Variants in CRB1 observed in about 807,000 individuals in gnomAD.
The protein encoded by CRB1 is protein crumbs homolog 1.
Under a neutral mutation model 120.0 loss-of-function variants are expected in CRB1, and 83 were observed. The ratio of observed to expected loss-of-function variants is 0.69; its 90% CI spans 0.58 to 0.83. The LOEUF (loss-of-function observed/expected upper bound fraction) is 0.83. Ranked by LOEUF, CRB1 falls within the 40% of genes least tolerant of loss-of-function variation. The pLI, the probability that CRB1 is intolerant of heterozygous loss-of-function variation, is 0.00. For synonymous variants in CRB1, 625 were observed against 612.5 expected, an observed-to-expected ratio of 1.02 and a Z score of -0.30; for missense variants, 1,699 against 1,687.6, an observed-to-expected ratio of 1.01 and a Z score of -0.12.
intron 11 of CRB1, among the ~76,000 whole-genome samples, chr1:197,476,729 G>C (rs368188409): frequency 3.3e-5 from 5 of 152,224 alleles, no homozygotes; most frequent in African/African-American, 9.6e-5. Flanking sequence ...AGATTGGTTT[G>C]GTAACGTGGG....
chr1:197,280,647 C>G (rs1156459652), intron 1 of CRB1, among the ~76,000 whole-genome samples: 1 of 151,762 alleles, frequency 6.6e-6, no homozygotes, highest in Non-Finnish European at 1.5e-5. Flanking sequence ...CTGGAATTGC[C>G]TAGGTTACAG....
intron 11 of CRB1, among the ~76,000 whole-genome samples, chr1:197,458,804 T>G (rs1238721293): frequency 6.6e-6 from 1 of 152,144 alleles, no homozygotes; most frequent in Admixed American, 6.6e-5. Flanking sequence ...TCAAGGAAAC[T>G]ATAATCTAGC....
chr1:197,437,743 A>G (rs1393799177), intron 9 of CRB1, among the ~76,000 whole-genome samples: 1 of 152,114 alleles, frequency 6.6e-6, no homozygotes, highest in African/African-American at 2.4e-5. Flanking sequence ...AGCACACACA[A>G]CAGAACAAAA....
intron 2 of CRB1, among the ~76,000 whole-genome samples, chr1:197,341,760 A>G (rs922241017): frequency 2.0e-5 from 3 of 152,168 alleles, no homozygotes; most frequent in East Asian, 1.9e-4. Context: ...GAAACTTGGC[A>G]TTTATTCAAT....
At chr1:197,233,026 A>G in the CRB1 span, among the ~76,000 whole-genome samples, 1 of 151,944 alleles carries the variant, frequency 6.6e-6, no homozygotes, top group Non-Finnish European at 1.5e-5. Flanking sequence ...GGCATACTTG[A>G]TAGTTGACAC....
rs1255267454 is a variant in CRB1, at chr1:197,327,098, A to AC, written c.71-1324_71-1323insC. ...GACTTAATTCTCACACACCAAAAAA[A>AC]AAAAAAAAAAAAAAAAAAAAAAAAA... On this transcript the variant is annotated intron_variant, in intron 1 of 11. Coordinates refer to ENST00000367400, the MANE Select transcript of CRB1 (RefSeq NM_201253.3). Among the ~76,000 whole-genome samples the AC allele has an allele frequency of 1.1e-4, 5 of 44,364 alleles. 1 individual carries two copies. The highest frequency in any genetic ancestry group is 4.4e-4 in the African/African-American group (4 of 8,994). 29.1% of individuals were successfully genotyped at this position (44,364 alleles called of 152,430 possible). A position where few individuals can be genotyped will look rare whatever the true frequency, so the allele number is the denominator to read the frequency against.
Position 197,270,711 on chromosome 1 carries a change from A to C in CRB1, c.70+2229A>C, listed in dbSNP as rs560461336. On this transcript the variant is annotated intron_variant, in intron 1 of 11. Transcript: ENST00000367400. ...CAGCTGAAGAAACTGAGGCACATAG[A>C]GGTTTATTAATTTGTCCAAGGCCAT... Among the ~76,000 whole-genome samples the C allele has an allele frequency of 4.1e-4, 63 of 152,240 alleles. No individual in the cohort carries two copies. In the South Asian group the frequency reaches 0.013, roughly 31 times the overall value.
chr1:197,375,673 G>A (rs1226658326), intron 5 of CRB1, among the ~76,000 whole-genome samples: 1 of 152,108 alleles, frequency 6.6e-6, no homozygotes, highest in Non-Finnish European at 1.5e-5. Context: ...CCCACCTGAA[G>A]TTTACTTATG....
At chr1:197,367,412 A>T (rs1661134501) in intron 5 of CRB1, among the ~76,000 whole-genome samples, 1 of 152,224 alleles carries the variant, frequency 6.6e-6, no homozygotes, top group Admixed American at 6.5e-5. Context: ...TGTGCTGTTT[A>T]TGCCAGATAG....
At chr1:197,246,735 A>G in the CRB1 span, among the ~76,000 whole-genome samples, 1 of 152,136 alleles carries the variant, frequency 6.6e-6, no homozygotes, top group East Asian at 1.9e-4. Context: ...TTCAGTGTAC[A>G]TAAGTAACGT....
intron 5 of CRB1, among the ~76,000 whole-genome samples, chr1:197,409,945 G>A (rs1366786363): frequency 6.6e-6 from 1 of 152,030 alleles, no homozygotes; most frequent in Non-Finnish European, 1.5e-5. Context: ...CACCATGCCC[G>A]GCTACTTTTT....
At chr1:197,451,385 A>C (rs561392199) in intron 11 of CRB1, among the ~76,000 whole-genome samples, 1 of 152,354 alleles carries the variant, frequency 6.6e-6, no homozygotes, top group Admixed American at 6.5e-5. Context: ...TAATTGGCCG[A>C]GATCACCTGA....
chr1:197,303,812 G>GA lies in CRB1; in HGVS notation c.71-24604dup, dbSNP rs1299705428. 4.6e-5 allele frequency among the ~76,000 whole-genome samples: 7 copies of GA among 152,028 alleles called. No individual in the cohort carries two copies. In the East Asian group the frequency reaches 1.4e-3, roughly 29 times the overall value. Reference sequence around the variant, plus strand: ...ATTAAAAGAGAATATTATGCATTTGGAAAAAATGCTGTTGAAAACATACAT... The same window carrying GA: ...ATTAAAAGAGAATATTATGCATTTGGAAAAAAATGCTGTTGAAAACATACAT... On this transcript the variant is annotated intron_variant, in intron 1 of 11. Transcript: ENST00000367400.
chr1:197,373,660 G>T (rs780396338), intron 5 of CRB1, among the ~76,000 whole-genome samples: 1 of 152,138 alleles, frequency 6.6e-6, no homozygotes, highest in Non-Finnish European at 1.5e-5. Flanking sequence ...CCAGAAAGAG[G>T]CAAAGAAGGT....
the CRB1 span, among the ~76,000 whole-genome samples, chr1:197,230,779 A>G: frequency 3.3e-5 from 5 of 152,328 alleles, no homozygotes; most frequent in Admixed American, 6.5e-5. Flanking sequence ...TAATTTACCC[A>G]AAGAAAAGGT....
chr1:197,310,311 C>T (rs550767985), intron 1 of CRB1, among the ~76,000 whole-genome samples: 1 of 152,154 alleles, frequency 6.6e-6, no homozygotes, highest in African/African-American at 2.4e-5. Flanking sequence ...ACCCTGACAT[C>T]TTCCAGGCCT....
chr1:197,280,839 A>G (rs927647078), intron 1 of CRB1, among the ~76,000 whole-genome samples: 1 of 151,844 alleles, frequency 6.6e-6, no homozygotes, highest in South Asian at 2.1e-4. Flanking sequence ...ATTTAACTCA[A>G]TATGCTTTTG....
intron 5 of CRB1, among the ~76,000 whole-genome samples, chr1:197,359,885 CTGTT>C (rs1434939311): frequency 6.6e-6 from 1 of 152,096 alleles, no homozygotes; most frequent in Non-Finnish European, 1.5e-5. Context: ...TGTTTGACAT[CTGTT>C]TGTCTTTTGC....
the CRB1 span, among the ~76,000 whole-genome samples, chr1:197,215,998 A>C: frequency 1.3e-5 from 2 of 152,198 alleles, no homozygotes; most frequent in African/African-American, 4.8e-5. Flanking sequence ...ATTGCTTGTC[A>C]GTTTTTACTT....
Sources: allele counts gnomAD v4.1 joint callset (sites outside exome capture counted in the v4.1 genomes callset), GRCh38; gene constraint gnomAD v4.1.1; transcripts MANE v1.5; gene names NCBI Gene and HGNC (gene_info 2026-07-23, HGNC 2026-07-21).